The following CSMD2 variants were observed in gnomAD, a reference collection of about 807,000 sequenced individuals.
CSMD2 encodes CUB and Sushi multiple domains 2, also known as CUB and sushi domain-containing protein 2.
A neutral mutation model predicts 398.5 loss-of-function variants in CSMD2; 130 were observed. That is an observed-to-expected ratio of 0.33 (90% confidence interval 0.28 to 0.38). The LOEUF (loss-of-function observed/expected upper bound fraction) is 0.38, where lower values mean the gene tolerates loss of function less well. CSMD2 is among the 10% of genes least tolerant of loss of function. The pLI, the probability that CSMD2 is intolerant of heterozygous loss-of-function variation, is 1.00. For synonymous variants in CSMD2, 1,828 were observed against 1,908.5 expected, an observed-to-expected ratio of 0.96 and a Z score of 1.10; for missense variants, 3,829 against 4,764.9, an observed-to-expected ratio of 0.80 and a Z score of 5.78.
intron 1 of CSMD2, among the ~76,000 whole-genome samples, chr1:34,105,462 T>C (rs1660439496): frequency 6.6e-6 from 1 of 152,206 alleles, no homozygotes; most frequent in Non-Finnish European, 1.5e-5. Flanking sequence ...TTTTCTAGAA[T>C]CACATACATA....
At chr1:33,652,484 G>A (rs1034683161) in intron 27 of CSMD2, 23 bp from the exon 28 acceptor site, 19 of 1,611,306 alleles carry the variant, frequency 1.2e-5, no homozygotes, top group Non-Finnish European at 1.6e-5. Context: ...GAAGACGAGG[G>A]TGAGGCTGCC....
chr1:33,920,749 T>G (rs1328681331), intron 4 of CSMD2, among the ~76,000 whole-genome samples: 21 of 152,050 alleles, frequency 1.4e-4, no homozygotes. Flanking sequence ...TCCCTTGGGA[T>G]GCCATGTAGA....
intron 3 of CSMD2, among the ~76,000 whole-genome samples, chr1:33,981,880 G>C (rs142825680): frequency 2.0e-5 from 3 of 152,328 alleles, no homozygotes; most frequent in African/African-American, 7.2e-5. Flanking sequence ...CCAGGTGGAA[G>C]GGGTCCCCTG....
At chr1:33,683,893 T>C (rs1421655817) in intron 25 of CSMD2, among the ~76,000 whole-genome samples, 1 of 152,246 alleles carries the variant, frequency 6.6e-6, no homozygotes, top group Non-Finnish European at 1.5e-5. Flanking sequence ...GCAGTGTAAG[T>C]ACACGAACCT....
intron 21 of CSMD2, among the ~76,000 whole-genome samples, chr1:33,714,294 G>A (rs1646087988): frequency 6.6e-6 from 1 of 152,256 alleles, no homozygotes; most frequent in African/African-American, 2.4e-5. Context: ...GGGGAGGTAA[G>A]AGTACTGAAA....
At chr1:33,921,096 C>T (rs1313250865) in intron 4 of CSMD2, among the ~76,000 whole-genome samples, 2 of 152,094 alleles carry the variant, frequency 1.3e-5, no homozygotes, top group Admixed American at 6.5e-5. Flanking sequence ...AGCTGGACTG[C>T]GAAGGTCCTT....
intron 6 of CSMD2, among the ~76,000 whole-genome samples, chr1:33,832,123 G>A (rs1570170732): frequency 8.0e-6 from 1 of 125,026 alleles, no homozygotes; most frequent in South Asian, 3.3e-4. Flanking sequence ...AGTTAACAAG[G>A]ATACCCAGGA....
At position 33,652,365 on chromosome 1, in the gene CSMD2, A is replaced by G; in HGVS notation, c.4544T>C (p.Val1515Ala). 1 of 1,614,136 alleles carries G rather than the reference A, an allele frequency of 6.2e-7. No homozygotes were observed. Among genetic ancestry groups the G allele is most frequent in the Non-Finnish European group, 8.5e-7 (1 of 1,180,004 alleles). The part of the protein sequence containing the change: ...YPPGKECDWK[V>A]TVSPDYVIAL... ...GATGACGTAGTCTGGTGAGACGGTC[A>G]CTTTCCAGTCACACTCCTTGCCTGG... The change falls in exon 28 of 71, where the codon GTG becomes GCG. Residue 1515 changes from valine (V) to alanine (A), a missense_variant. This residue lies in a region of CSMD2 where 2,001 missense variants were observed against 2,567.1 expected (regional missense o/e 0.78). Transcript: ENST00000373381.
At chr1:33,804,822 T>C in intron 10 of CSMD2, 1 of 717,452 alleles carries the variant, frequency 1.4e-6, no homozygotes, top group South Asian at 1.5e-5. Flanking sequence ...ACAACTTCTA[T>C]TCCTCAGTCT....
At position 33,546,110 on chromosome 1, in the gene CSMD2, G is replaced by A. The variant is rs200063343; in HGVS notation, c.9027C>T (p.His3009=). 317 of 1,614,150 alleles carry A rather than the reference G, an allele frequency of 2.0e-4. 3 individuals are homozygous for A. In the Admixed American group the frequency reaches 5.1e-3, roughly 26 times the overall value. Residue 3009 remains histidine (H), a synonymous_variant, in exon 57 of 71, where the codon CAC becomes CAT. Transcript: ENST00000373381. The stretch of plus-strand genomic sequence containing the variant: ...TGCGCTCTGACGATCCCCGGAGCAC[G>A]TGGCCAGCTTCACAGCTGAAGCGCA... The part of the protein sequence containing the change: ...TVMRFSCEAG[H]VLRGSSERTC...
chr1:33,581,354 TAAAAAAA>T (rs35599517), intron 47 of CSMD2, among the ~76,000 whole-genome samples: 24 of 84,218 alleles, frequency 2.8e-4, no homozygotes, highest in Non-Finnish European at 4.6e-4. Flanking sequence ...CCATCTTTAC[TAAAAAAA>T]AAAAAAAAAA....
intron 38 of CSMD2, 64 bp from the exon 39 acceptor site, chr1:33,617,039 G>C: frequency 2.3e-6 from 3 of 1,315,548 alleles, no homozygotes; most frequent in Non-Finnish European, 3.3e-6. Flanking sequence ...TGTACAACCA[G>C]GGGCTGTACA....
At chr1:33,564,672 G>A (rs1027748547) in intron 53 of CSMD2, among the ~76,000 whole-genome samples, 15 of 152,098 alleles carry the variant, frequency 9.9e-5, no homozygotes, top group Admixed American at 9.8e-4. Flanking sequence ...TGAATAGCTG[G>A]GACTACAAGC....
intron 1 of CSMD2, among the ~76,000 whole-genome samples, chr1:34,162,224 A>G (rs547118062): frequency 8.8e-5 from 12 of 136,820 alleles, no homozygotes; most frequent in African/African-American, 2.6e-4. Flanking sequence ...ACAGCAGGTA[A>G]TTGGTGGGAA....
chr1:33,631,268 CTAAATG>C (rs1039511332), intron 32 of CSMD2, among the ~76,000 whole-genome samples: 1 of 151,786 alleles, frequency 6.6e-6, no homozygotes, highest in Non-Finnish European at 1.5e-5. Context: ...CATTGTGGTA[CTAAATG>C]TAAATGAAAT....
At chr1:33,715,314 G>A (rs771573268) in intron 20 of CSMD2, among the ~76,000 whole-genome samples, 6 of 152,012 alleles carry the variant, frequency 3.9e-5, no homozygotes, top group Non-Finnish European at 8.8e-5. Flanking sequence ...AATGCCTGAC[G>A]AGAAGCCATG....
chr1:33,780,577 C>T (rs1652608081), intron 12 of CSMD2, among the ~76,000 whole-genome samples: 1 of 152,182 alleles, frequency 6.6e-6, no homozygotes, highest in Non-Finnish European at 1.5e-5. Flanking sequence ...TGCATTAGCC[C>T]CAAACTAAAG....
At chr1:34,129,866 T>C (rs956392189) in intron 1 of CSMD2, among the ~76,000 whole-genome samples, 2 of 152,184 alleles carry the variant, frequency 1.3e-5, no homozygotes, top group African/African-American at 4.8e-5. Context: ...CAGTCCCTTC[T>C]GCCACTTGCT....
chr1:33,929,926 C>T (rs1644258476), intron 4 of CSMD2, among the ~76,000 whole-genome samples: 1 of 152,180 alleles, frequency 6.6e-6, no homozygotes, highest in South Asian at 2.1e-4. Context: ...CAGAGGCCTC[C>T]CCTGACTGCT....
Sources: gnomAD v4.1 joint callset for allele counts (sites outside exome capture counted in the v4.1 genomes callset) on GRCh38, gnomAD v4.1.1 for gene constraint, gnomAD v4.1.1 regional missense constraint, MANE v1.5 for transcripts, NCBI Gene and HGNC (gene_info 2026-07-23, HGNC 2026-07-21) for gene names.